Variants in TRPM3 observed in about 807,000 individuals in gnomAD.
TRPM3 encodes the protein long transient receptor potential channel 3.
TRPM3 carries 77 observed loss-of-function variants against 181.2 expected under a neutral mutation model. The observed-to-expected ratio is 0.42, with a 90% confidence interval of 0.35 to 0.51. The LOEUF is 0.51. TRPM3 is among the 20% of genes least tolerant of loss of function. TRPM3 has a pLI of 0.01. For synonymous variants in TRPM3, 745 were observed against 796.4 expected (o/e 0.94, Z 1.09); for missense variants, 1,759 against 2,196.7 (o/e 0.80, Z 3.98).
At chr9:71,064,795 C>A (rs762602359) in intron 1 of TRPM3, among the ~76,000 whole-genome samples, 1 of 152,040 alleles carries the variant, frequency 6.6e-6, no homozygotes, top group African/African-American at 2.4e-5. Flanking sequence ...AATATTTGAG[C>A]CAAAATTCCA....
At chr9:70,757,017 A>G (rs1008784165) in intron 8 of TRPM3, among the ~76,000 whole-genome samples, 29 of 142,668 alleles carry the variant, frequency 2.0e-4, no homozygotes, top group Non-Finnish European at 3.9e-4. Flanking sequence ...AGAGACACGA[A>G]AAACACTTCA....
intron 6 of TRPM3, among the ~76,000 whole-genome samples, chr9:70,823,036 G>A (rs1043999896): frequency 6.6e-6 from 1 of 152,016 alleles, no homozygotes. Context: ...CATCTGCCGT[G>A]GCCTGCTCTT....
intron 3 of TRPM3, among the ~76,000 whole-genome samples, chr9:70,857,237 C>A (rs1250777978): frequency 2.0e-5 from 3 of 152,076 alleles, no homozygotes; most frequent in African/African-American, 7.2e-5. Context: ...TAGGATGTGG[C>A]TTGGTACTTA....
intron 1 of TRPM3, among the ~76,000 whole-genome samples, chr9:71,336,893 T>C (rs2090595886): frequency 6.6e-6 from 1 of 152,188 alleles, no homozygotes; most frequent in Non-Finnish European, 1.5e-5. Flanking sequence ...GAAAACTGCC[T>C]AGCCATATGC....
intron 1 of TRPM3, among the ~76,000 whole-genome samples, chr9:71,312,990 T>G (rs994165276): frequency 6.6e-6 from 1 of 152,080 alleles, no homozygotes; most frequent in Non-Finnish European, 1.5e-5. Flanking sequence ...TTATACACAT[T>G]TGCCAAAACT....
Position 71,323,050 on chromosome 9 carries a change from G to A in TRPM3, c.183+123603C>T, listed in dbSNP as rs548809108. On this transcript the variant is annotated intron_variant, in intron 1 of 24. Transcript: ENST00000357533. ...ATAATACATTCTAAATGTCAAGACT[G>A]GATAGTATATTAAATATTTCAACAT... 5.9e-5 allele frequency among the ~76,000 whole-genome samples: 9 copies of A among 152,116 alleles called. No homozygotes were observed. In the South Asian group the frequency reaches 1.9e-3, roughly 32 times the overall value.
At chr9:70,946,951 T>C (rs1284415439) in intron 1 of TRPM3, among the ~76,000 whole-genome samples, 1 of 152,232 alleles carries the variant, frequency 6.6e-6, no homozygotes, top group East Asian at 1.9e-4. Flanking sequence ...CCACAATTTG[T>C]GTATCCATTC....
chr9:71,240,359 T>C (rs1040755719), intron 1 of TRPM3, among the ~76,000 whole-genome samples: 1 of 152,180 alleles, frequency 6.6e-6, no homozygotes, highest in African/African-American at 2.4e-5. Flanking sequence ...AGGGCAAGAA[T>C]TATGCTGTGT....
intron 1 of TRPM3, among the ~76,000 whole-genome samples, chr9:70,904,044 G>A (rs1386733741): frequency 1.3e-5 from 2 of 152,038 alleles, no homozygotes; most frequent in Admixed American, 6.6e-5. Flanking sequence ...GCAACATGGC[G>A]AAACCTATCT....
intron 1 of TRPM3, among the ~76,000 whole-genome samples, chr9:71,179,164 C>G (rs2077261560): frequency 6.6e-6 from 1 of 152,114 alleles, no homozygotes. Context: ...AGAAGCAACA[C>G]AACTGAAACA....
chr9:70,821,551 C>T (rs1380546422), intron 6 of TRPM3, among the ~76,000 whole-genome samples: 1 of 152,048 alleles, frequency 6.6e-6, no homozygotes, highest in Non-Finnish European at 1.5e-5. Context: ...GTTGGTCGAA[C>T]TTATATAAAT....
chr9:71,258,807 G>A (rs2082842122), intron 1 of TRPM3, among the ~76,000 whole-genome samples: 1 of 152,082 alleles, frequency 6.6e-6, no homozygotes, highest in Admixed American at 6.5e-5. Context: ...TATCTTGAAA[G>A]TTGCCCTCTT....
chr9:70,869,285 A>G (rs1015339570), intron 1 of TRPM3, among the ~76,000 whole-genome samples: 2 of 151,952 alleles, frequency 1.3e-5, no homozygotes, highest in Admixed American at 1.3e-4. Flanking sequence ...CGCCAGAAGA[A>G]AAACAAATCC....
chr9:71,167,242 T>C (rs1219822146), intron 1 of TRPM3, among the ~76,000 whole-genome samples: 1 of 152,234 alleles, frequency 6.6e-6, no homozygotes, highest in Admixed American at 6.5e-5. Context: ...GTATTCATTT[T>C]AGCCAGAACT....
chr9:71,277,217 G>C (rs912080387), intron 1 of TRPM3, among the ~76,000 whole-genome samples: 1 of 152,156 alleles, frequency 6.6e-6, no homozygotes, highest in African/African-American at 2.4e-5. Flanking sequence ...GGCCTGCACA[G>C]AAAGGAAGAC....
At chr9:71,151,803 A>C (rs1403548303) in intron 1 of TRPM3, among the ~76,000 whole-genome samples, 17 of 152,148 alleles carry the variant, frequency 1.1e-4, no homozygotes, top group Admixed American at 1.1e-3. Context: ...TATATGTGCT[A>C]ATATGGAATG....
At chr9:70,964,326 T>G (rs1183980727) in intron 1 of TRPM3, among the ~76,000 whole-genome samples, 4 of 152,234 alleles carry the variant, frequency 2.6e-5, no homozygotes, top group Non-Finnish European at 5.9e-5. Flanking sequence ...GAATGGATAC[T>G]TAAGTTAATG....
chr9:70,746,235 T>C (rs1225345691), intron 8 of TRPM3, among the ~76,000 whole-genome samples: 2 of 149,802 alleles, frequency 1.3e-5, no homozygotes, highest in African/African-American at 4.9e-5. Flanking sequence ...CTTTCTCAGA[T>C]ACAGACAGGA....
chr9:71,199,782 G>C (rs1185465671), intron 1 of TRPM3, among the ~76,000 whole-genome samples: 1 of 149,430 alleles, frequency 6.7e-6, no homozygotes, highest in Non-Finnish European at 1.5e-5. Flanking sequence ...TATTAGTCTT[G>C]CTAGCAGTCT....
Sources: allele counts gnomAD v4.1 joint callset (sites outside exome capture counted in the v4.1 genomes callset), GRCh38; gene constraint gnomAD v4.1.1; transcripts MANE v1.5; gene names NCBI Gene and HGNC (gene_info 2026-07-23, HGNC 2026-07-21).